Variants in MACROD2 observed in about 807,000 individuals in gnomAD.
MACROD2 encodes ADP-ribose glycohydrolase MACROD2.
Under a neutral mutation model 70.4 loss-of-function variants are expected in MACROD2, and 36 were observed. The ratio of observed to expected loss-of-function variants is 0.51; its 90% CI spans 0.39 to 0.68. The LOEUF is 0.68. Among genes scored for constraint, MACROD2 ranks in the 30% least tolerant of loss-of-function variants. The probability of loss-of-function intolerance (pLI) is 0.00; values close to 1 mark genes in which losing one functional copy is unlikely to be tolerated. For missense variants in MACROD2, 496 were observed against 538.4 expected (o/e 0.92, Z 0.78); for synonymous variants, 172 against 178.8 (o/e 0.96, Z 0.30).
intron 5 of MACROD2, among the ~76,000 whole-genome samples, chr20:15,080,906 T>C (rs1194881847): frequency 6.6e-6 from 1 of 152,100 alleles, no homozygotes; most frequent in Non-Finnish European, 1.5e-5. Flanking sequence ...TCGCCTTTTC[T>C]CCCTCTCTCT....
At chr20:14,841,839 T>C (rs1425789118) in intron 5 of MACROD2, among the ~76,000 whole-genome samples, 1 of 152,056 alleles carries the variant, frequency 6.6e-6, no homozygotes, top group Non-Finnish European at 1.5e-5. Flanking sequence ...TATACTAAGA[T>C]TGGTTTTAAG....
chr20:14,641,731 G>T (rs1985108656), intron 4 of MACROD2, among the ~76,000 whole-genome samples: 1 of 152,152 alleles, frequency 6.6e-6, no homozygotes. Flanking sequence ...TGAGCAGTAG[G>T]TCTCAACAAT....
intron 3 of MACROD2, among the ~76,000 whole-genome samples, chr20:14,412,188 T>C (rs557585081): frequency 5.9e-5 from 9 of 152,302 alleles, no homozygotes; most frequent in African/African-American, 2.2e-4. Context: ...TATCTAGGCC[T>C]TAATCAAACA....
intron 5 of MACROD2, among the ~76,000 whole-genome samples, chr20:14,787,653 C>T (rs932756257): frequency 4.6e-5 from 7 of 152,032 alleles, no homozygotes; most frequent in Admixed American, 3.9e-4. Context: ...CACCACACCT[C>T]GTTTTCCTTT....
At chr20:14,328,474 T>C (rs927440102) in intron 3 of MACROD2, among the ~76,000 whole-genome samples, 3 of 152,150 alleles carry the variant, frequency 2.0e-5, no homozygotes, top group African/African-American at 7.2e-5. Context: ...TGGCAAAGTA[T>C]AGATTTATAC....
chr20:15,370,110 A>G (rs897240673), intron 6 of MACROD2, among the ~76,000 whole-genome samples: 2 of 152,134 alleles, frequency 1.3e-5, no homozygotes, highest in African/African-American at 4.8e-5. Flanking sequence ...ATAAGTTTAC[A>G]TTTCCATTTT....
chr20:15,805,300 A>C (rs1226850501), intron 8 of MACROD2, among the ~76,000 whole-genome samples: 1 of 152,062 alleles, frequency 6.6e-6, no homozygotes, highest in Non-Finnish European at 1.5e-5. Flanking sequence ...CGTGTTGTTA[A>C]AGGAAAATGA....
intron 3 of MACROD2, among the ~76,000 whole-genome samples, chr20:14,202,576 T>A (rs2081487996): frequency 6.6e-6 from 1 of 152,152 alleles, no homozygotes. Context: ...TTTTTATTGT[T>A]CAAAAGAGCA....
chr20:14,094,190 C>T (rs2054191517), intron 3 of MACROD2, among the ~76,000 whole-genome samples: 1 of 152,032 alleles, frequency 6.6e-6, no homozygotes, highest in Non-Finnish European at 1.5e-5. Flanking sequence ...GATTTTTCCC[C>T]TCCTAGCTCA....
intron 8 of MACROD2, among the ~76,000 whole-genome samples, chr20:15,849,628 A>G (rs2064274373): frequency 6.6e-6 from 1 of 152,222 alleles, no homozygotes; most frequent in Non-Finnish European, 1.5e-5. Flanking sequence ...GGGCAACCTC[A>G]TAAGCAGCAA....
At chr20:14,123,851 A>G (rs1473593457) in intron 3 of MACROD2, among the ~76,000 whole-genome samples, 1 of 152,184 alleles carries the variant, frequency 6.6e-6, no homozygotes, top group African/African-American at 2.4e-5. Context: ...CAGCAGTGGT[A>G]AAATTCCCCT....
At chr20:15,552,286 C>T (rs1360723139) in intron 8 of MACROD2, 1 of 152,082 alleles carries the variant, frequency 6.6e-6, no homozygotes, top group East Asian at 1.9e-4. Context: ...TTTTCTTGAC[C>T]ATTCTGAAAT....
At chr20:14,365,804 G>A (rs1342233627) in intron 3 of MACROD2, among the ~76,000 whole-genome samples, 1 of 152,040 alleles carries the variant, frequency 6.6e-6, no homozygotes, top group African/African-American at 2.4e-5. Flanking sequence ...TTGGCATGTT[G>A]TATTTTCATT....
At chr20:14,846,769 G>A (rs1048532529) in intron 5 of MACROD2, among the ~76,000 whole-genome samples, 2 of 150,844 alleles carry the variant, frequency 1.3e-5, no homozygotes, top group Admixed American at 6.6e-5. Context: ...CGCCTGTCTC[G>A]GCCTCCCAAA....
At chr20:15,903,174 G>C (rs573855152) in intron 10 of MACROD2, among the ~76,000 whole-genome samples, 17 of 152,134 alleles carry the variant, frequency 1.1e-4, no homozygotes, top group Admixed American at 1.0e-3. Flanking sequence ...TCAGGAGTTC[G>C]AGGCTAAAAA....
intron 5 of MACROD2, among the ~76,000 whole-genome samples, chr20:15,220,992 G>A (rs1469901910): frequency 2.6e-5 from 4 of 152,154 alleles, no homozygotes; most frequent in South Asian, 2.1e-4. Context: ...GAATGCTGAC[G>A]ACAAGCACAT....
intron 5 of MACROD2, among the ~76,000 whole-genome samples, chr20:14,865,798 A>G (rs1600743903): frequency 6.6e-6 from 1 of 152,142 alleles, no homozygotes; most frequent in East Asian, 1.9e-4. Flanking sequence ...ATTTAATTAA[A>G]GATTATCCTG....
intron 8 of MACROD2, among the ~76,000 whole-genome samples, chr20:15,693,411 C>T (rs939054033): frequency 4.6e-5 from 7 of 152,102 alleles, no homozygotes; most frequent in Non-Finnish European, 1.0e-4. Context: ...GGATTCATTC[C>T]TCCTGTGGTT....
chr20:15,769,275 G>A (rs2051582231), intron 8 of MACROD2, among the ~76,000 whole-genome samples: 1 of 152,232 alleles, frequency 6.6e-6, no homozygotes, highest in Non-Finnish European at 1.5e-5. Context: ...AGCCTCTCGA[G>A]TAGCTGGAAT....
Sources: allele counts gnomAD v4.1 joint callset (sites outside exome capture counted in the v4.1 genomes callset), GRCh38; gene constraint gnomAD v4.1.1; transcripts MANE v1.5; gene names NCBI Gene and HGNC (gene_info 2026-07-23, HGNC 2026-07-21).